The following NCEH1 variants were observed in gnomAD, a reference collection of about 807,000 sequenced individuals.
NCEH1 encodes the protein neutral cholesterol ester hydrolase 1.
Under a neutral mutation model 25.4 loss-of-function variants are expected in NCEH1, and 9 were observed. That is an observed-to-expected ratio of 0.35 (90% CI 0.21 to 0.62). NCEH1 has a LOEUF of 0.62. NCEH1 is among the 20% of genes least tolerant of loss of function. NCEH1 has a pLI of 0.72. For missense variants in NCEH1, 412 were observed against 501.1 expected, an observed-to-expected ratio of 0.82 and a Z score of 1.70; for synonymous variants, 200 against 199.8, an observed-to-expected ratio of 1.00 and a Z score of -0.01.
At chr3:172,658,333 C>T (rs1450435794) in intron 1 of NCEH1, among the ~76,000 whole-genome samples, 2 of 152,170 alleles carry the variant, frequency 1.3e-5, no homozygotes, top group Non-Finnish European at 2.9e-5. Flanking sequence ...AGGTTCCAGA[C>T]CTTTGGTGGA....
chr3:172,708,498 G>A (rs1714129106), intron 1 of NCEH1, among the ~76,000 whole-genome samples: 1 of 152,200 alleles, frequency 6.6e-6, no homozygotes, highest in African/African-American at 2.4e-5. Flanking sequence ...TGGGACTACA[G>A]GCACCTGCCA....
intron 1 of NCEH1, among the ~76,000 whole-genome samples, chr3:172,685,163 ACATGCCTGTGGTC>A (rs1464402954): frequency 6.6e-6 from 1 of 150,632 alleles, no homozygotes; most frequent in African/African-American, 2.5e-5. Context: ...TGTGGCAGGT[ACATGCCTGTGGTC>A]CCAGCTACTT....
chr3:172,686,286 G>A (rs1391879085), intron 1 of NCEH1, among the ~76,000 whole-genome samples: 1 of 152,164 alleles, frequency 6.6e-6, no homozygotes, highest in African/African-American at 2.4e-5. Flanking sequence ...CTGAGTCCCA[G>A]CCCAGAGCAT....
In NCEH1 at chr3:172,647,204, G is replaced by T. The variant is rs78909235; in HGVS notation, c.367+682C>A. 4.9e-4 allele frequency among the ~76,000 whole-genome samples: 75 copies of T among 152,296 alleles called. No individual in the cohort carries two copies. In the East Asian group the frequency reaches 0.013, roughly 27 times the overall value. On this transcript the variant is annotated intron_variant, in intron 2 of 4. Coordinates refer to ENST00000475381, the MANE Select transcript of NCEH1 (RefSeq NM_020792.6). ...GCCAAAAGCTCTGGACTGAAGATGA[G>T]GAAGTAGCTCCATGATCATTTATTA...
At chr3:172,677,794 G>C (rs1187004671) in intron 1 of NCEH1, among the ~76,000 whole-genome samples, 1 of 152,110 alleles carries the variant, frequency 6.6e-6, no homozygotes, top group African/African-American at 2.4e-5. Flanking sequence ...CAGGCGTGGT[G>C]GTGGGCACCT....
chr3:172,710,930 C>T lies in NCEH1; in HGVS notation c.55G>A (p.Val19Ile). 6.2e-7 allele frequency: 1 copy of T among 1,614,132 alleles called. No individual in the cohort carries two copies. The highest frequency in any genetic ancestry group is 8.5e-7 in the Non-Finnish European group (1 of 1,180,034). Residue 19 changes from valine to isoleucine, a missense_variant, in exon 1 of 5, where the codon GTC (valine) becomes ATC (isoleucine). Val to Ile is a conservative substitution (Grantham distance 29, BLOSUM62 3). Coordinates refer to ENST00000475381, the MANE Select transcript of NCEH1 (RefSeq NM_020792.6). ...TALVALAAYY[V>I]YIPLPGSVSD... Reference sequence around the variant, plus strand: ...ACGGAGCCAGGCAGCGGGATGTAGACGTAATAGGCGGCCAGCGCCACCAGG... The same window carrying T: ...ACGGAGCCAGGCAGCGGGATGTAGATGTAATAGGCGGCCAGCGCCACCAGG...
At chr3:172,657,031 A>G (rs1162428106) in intron 1 of NCEH1, among the ~76,000 whole-genome samples, 1 of 150,672 alleles carries the variant, frequency 6.6e-6, no homozygotes, top group South Asian at 2.1e-4. Context: ...CCCCATTTTT[A>G]TTTTCTTTTT....
chr3:172,663,506 T>C (rs938821739), intron 1 of NCEH1, among the ~76,000 whole-genome samples: 2 of 152,162 alleles, frequency 1.3e-5, no homozygotes, highest in African/African-American at 4.8e-5. Context: ...GTTCAAGTCC[T>C]GGATATTTTT....
At position 172,695,858 on chromosome 3, in the gene NCEH1, C is replaced by T. The variant is rs148389464; in HGVS notation, c.138+14989G>A. On this transcript the variant is annotated intron_variant, in intron 1 of 4. Transcript: ENST00000475381. ...ACTTGGGAGGCTGAGGCAGGAGAAT[C>T]GCTTGAACCTAGGAGGCAGAGGTTG... Among the ~76,000 whole-genome samples the T allele has an allele frequency of 3.3e-3, 505 of 152,008 alleles. 3 individuals carry two copies. Among genetic ancestry groups the T allele is most frequent in the African/African-American group, 0.011 (442 of 41,440 alleles).
chr3:172,657,635 CAG>C (rs1287968915), intron 1 of NCEH1, among the ~76,000 whole-genome samples: 2 of 152,190 alleles, frequency 1.3e-5, no homozygotes, highest in Non-Finnish European at 2.9e-5. Context: ...ATACTGCTGT[CAG>C]AGTTTCTACC....
At chr3:172,702,110 G>T (rs1576784025) in intron 1 of NCEH1, among the ~76,000 whole-genome samples, 1 of 152,314 alleles carries the variant, frequency 6.6e-6, no homozygotes, top group East Asian at 1.9e-4. Context: ...GAGTTCAGGA[G>T]TAACACAGGC....
At chr3:172,653,699 T>A (rs1717520097) in intron 1 of NCEH1, among the ~76,000 whole-genome samples, 1 of 151,724 alleles carries the variant, frequency 6.6e-6, no homozygotes, top group African/African-American at 2.4e-5. Flanking sequence ...GTGCAAGTAT[T>A]GGAAAGTGGT....
intron 1 of NCEH1, among the ~76,000 whole-genome samples, chr3:172,669,215 CT>C (rs1395433645): frequency 5.3e-5 from 8 of 152,332 alleles, no homozygotes; most frequent in African/African-American, 1.9e-4. Context: ...GAGAAGTCCA[CT>C]GTTCGTGTGG....
rs76250895 is a variant in NCEH1 at position 172,699,464 on chromosome 3, G to A, written c.138+11383C>T. Among the ~76,000 whole-genome samples, 1,375 of 152,268 alleles carry A rather than the reference G, an allele frequency of 9.0e-3. 24 individuals carry two copies. The highest frequency in any genetic ancestry group is 0.031 in the African/African-American group (1,284 of 41,554). On this transcript the variant is annotated intron_variant, in intron 1 of 4. Transcript: ENST00000475381. ...GATTGGAGCACTCAGGACTGGGAACGAGGGATCATTTCACAGCCTTGACTT... is the reference window on the plus strand; with the variant it reads ...GATTGGAGCACTCAGGACTGGGAACAAGGGATCATTTCACAGCCTTGACTT...
At chr3:172,653,752 G>GTTTTT (rs375874414) in intron 1 of NCEH1, among the ~76,000 whole-genome samples, 14 of 83,838 alleles carry the variant, frequency 1.7e-4, no homozygotes, top group African/African-American at 5.0e-4. Context: ...TTGTTTTTTT[G>GTTTTT]TTTTTTTGTT....
chr3:172,705,812 C>T (rs1205696440), intron 1 of NCEH1, among the ~76,000 whole-genome samples: 1 of 152,074 alleles, frequency 6.6e-6, no homozygotes, highest in Non-Finnish European at 1.5e-5. Context: ...GCCTGACCAA[C>T]ATGGTGAAAC....
intron 1 of NCEH1, among the ~76,000 whole-genome samples, chr3:172,691,896 G>A (rs1370491975): frequency 8.1e-4 from 6 of 7,382 alleles, no homozygotes; most frequent in African/African-American, 2.7e-3. Context: ...GCAGTGAGCC[G>A]AGATCGTGCC....
chr3:172,707,071 G>A (rs567456953), intron 1 of NCEH1, among the ~76,000 whole-genome samples: 10 of 152,108 alleles, frequency 6.6e-5, no homozygotes, highest in African/African-American at 2.4e-4. Context: ...AGGCTTTGAT[G>A]GATATTGCCA....
intron 1 of NCEH1, among the ~76,000 whole-genome samples, chr3:172,702,948 C>T (rs565360954): frequency 6.6e-6 from 1 of 152,294 alleles, no homozygotes; most frequent in Admixed American, 6.5e-5. Flanking sequence ...GCTGTGATCA[C>T]ACCACTGCAT....
Sources: gnomAD v4.1 joint callset for allele counts (sites outside exome capture counted in the v4.1 genomes callset) on GRCh38, gnomAD v4.1.1 for gene constraint, MANE v1.5 for transcripts, NCBI Gene and HGNC (gene_info 2026-07-23, HGNC 2026-07-21) for gene names.